Variants in ZNF385D observed in about 807,000 individuals in gnomAD.
ZNF385D encodes the protein zinc finger protein 385D.
ZNF385D carries 15 observed loss-of-function variants against 35.8 expected under a neutral mutation model. The ratio of observed to expected loss-of-function variants is 0.42; its 90% CI spans 0.28 to 0.64. The LOEUF (loss-of-function observed/expected upper bound fraction) is 0.64, where lower values mean the gene tolerates loss of function less well. Ranked by LOEUF, ZNF385D falls within the 30% of genes least tolerant of loss-of-function variation. The probability of loss-of-function intolerance (pLI) is 0.23; values close to 1 mark genes in which losing one functional copy is unlikely to be tolerated. For synonymous variants in ZNF385D, 212 were observed against 186.8 expected, an observed-to-expected ratio of 1.13 and a Z score of -1.10; for missense variants, 474 against 494.6, an observed-to-expected ratio of 0.96 and a Z score of 0.39.
chr3:22,107,436 G>T (rs1400916030), intron 3 of ZNF385D, among the ~76,000 whole-genome samples: 1 of 151,914 alleles, frequency 6.6e-6, no homozygotes, highest in Non-Finnish European at 1.5e-5. Context: ...GGGGAAAAAA[G>T]CAAAGTTTAT....
At chr3:22,368,773 C>A (rs531115399) in intron 2 of ZNF385D, among the ~76,000 whole-genome samples, 1 of 152,182 alleles carries the variant, frequency 6.6e-6, no homozygotes, top group Non-Finnish European at 1.5e-5. Context: ...ACCTCAAATA[C>A]TATCCCATTA....
chr3:21,726,214 C>A (rs2068759416), intron 1 of ZNF385D, among the ~76,000 whole-genome samples: 1 of 152,090 alleles, frequency 6.6e-6, no homozygotes, highest in South Asian at 2.1e-4. Flanking sequence ...AACCCACAGC[C>A]AATATCATAC....
At chr3:22,309,663 C>A (rs9809134) in intron 2 of ZNF385D, among the ~76,000 whole-genome samples, 2 of 151,834 alleles carry the variant, frequency 1.3e-5, no homozygotes, top group Non-Finnish European at 2.9e-5. Flanking sequence ...TGGTGACAGT[C>A]GACAATTAAG....
At chr3:22,271,216 G>A (rs1205839992) in intron 2 of ZNF385D, among the ~76,000 whole-genome samples, 2 of 112,742 alleles carry the variant, frequency 1.8e-5, no homozygotes, top group African/African-American at 3.3e-5. Context: ...ATTATAGTCA[G>A]GAGACAGCAA....
intron 5 of ZNF385D, 40 bp from the exon 6 acceptor site, chr3:21,425,710 G>A (rs965407717): frequency 1.4e-6 from 2 of 1,469,350 alleles, no homozygotes; most frequent in South Asian, 1.4e-5. Context: ...AAGGAGGGAG[G>A]AAAGAAGGGA....
intron 3 of ZNF385D, among the ~76,000 whole-genome samples, chr3:21,910,773 A>C (rs541528292): frequency 1.3e-5 from 2 of 151,834 alleles, no homozygotes; most frequent in Non-Finnish European, 2.9e-5. Context: ...AATACAAAGA[A>C]TACTAGATAA....
At chr3:21,944,238 G>C (rs1701668614) in intron 3 of ZNF385D, among the ~76,000 whole-genome samples, 2 of 152,148 alleles carry the variant, frequency 1.3e-5, no homozygotes, top group Non-Finnish European at 2.9e-5. Context: ...TAAGTCTCCT[G>C]TGGCAAGAAA....
rs143688060 is a variant in ZNF385D, at chr3:21,659,533, T to G, written c.165+5353A>C. ...CTGCTGTAACCAGAGTCCTGAGCAA[T>G]GTCATACAAGGAAGGCTCGTAGCAT... is the stretch of plus-strand genomic sequence containing the variant. On this transcript the variant is annotated intron_variant, in intron 2 of 7. Transcript: ENST00000281523. 8.5e-5 allele frequency among the ~76,000 whole-genome samples: 13 copies of G among 152,174 alleles called. No homozygotes were observed. In the East Asian group the frequency reaches 2.5e-3, roughly 29 times the overall value.
chr3:21,484,861 T>C (rs965472631), intron 4 of ZNF385D, among the ~76,000 whole-genome samples: 1 of 152,098 alleles, frequency 6.6e-6, no homozygotes, highest in Admixed American at 6.6e-5. Flanking sequence ...TCTGAACCCA[T>C]TGGTACTTCT....
chr3:21,817,385 A>AGT (rs1435636378), intron 3 of ZNF385D, among the ~76,000 whole-genome samples: 1 of 152,244 alleles, frequency 6.6e-6, no homozygotes, highest in Non-Finnish European at 1.5e-5. Flanking sequence ...CTACCATCAG[A>AGT]GTGAACAGGC....
At chr3:21,670,680 T>C in intron 1 of ZNF385D, among the ~76,000 whole-genome samples, 1 of 52,410 alleles carries the variant, frequency 1.9e-5, no homozygotes, top group African/African-American at 8.1e-5. Context: ...CCCCAATGAC[T>C]GAACGAATCC....
At chr3:21,424,317 A>ATATATATATAT (rs1221923155) in intron 6 of ZNF385D, among the ~76,000 whole-genome samples, 17 of 63,802 alleles carry the variant, frequency 2.7e-4, no homozygotes, top group African/African-American at 9.8e-4. Context: ...ATATATATAT[A>ATATATATATAT]TTTTTTTTTT....
intron 2 of ZNF385D, among the ~76,000 whole-genome samples, chr3:22,184,788 G>T (rs763353790): frequency 1.3e-5 from 2 of 152,082 alleles, no homozygotes; most frequent in South Asian, 4.1e-4. Flanking sequence ...GGTGACAAGA[G>T]TGAAACTACG....
intron 3 of ZNF385D, among the ~76,000 whole-genome samples, chr3:21,532,737 T>C (rs2061953693): frequency 6.6e-6 from 1 of 152,190 alleles, no homozygotes; most frequent in Non-Finnish European, 1.5e-5. Context: ...TTCATGTTTT[T>C]GTTTATCTCT....
intron 3 of ZNF385D, among the ~76,000 whole-genome samples, chr3:22,143,059 T>TTGTGCG (rs1704617581): frequency 7.1e-6 from 1 of 140,916 alleles, no homozygotes; most frequent in East Asian, 2.1e-4. Context: ...ATTAAATCGG[T>TTGTGCG]TGTGTGTGTG....
At chr3:21,545,306 A>T (rs1243228973) in intron 3 of ZNF385D, among the ~76,000 whole-genome samples, 1 of 152,222 alleles carries the variant, frequency 6.6e-6, no homozygotes, top group African/African-American at 2.4e-5. Flanking sequence ...ATAAAGGAAA[A>T]TGTACAAGAC....
chr3:22,003,029 C>T (rs147233921), intron 3 of ZNF385D, among the ~76,000 whole-genome samples: 2 of 152,264 alleles, frequency 1.3e-5, no homozygotes, highest in Non-Finnish European at 2.9e-5. Context: ...AAAGGATGCC[C>T]ACTCTTACCA....
chr3:21,606,134 A>G (rs1320341234), intron 2 of ZNF385D, among the ~76,000 whole-genome samples: 3 of 152,136 alleles, frequency 2.0e-5, no homozygotes, highest in Admixed American at 6.5e-5. Flanking sequence ...CAGAGAACAT[A>G]TTCTCCAAAC....
At chr3:21,836,193 C>A (rs909384350) in intron 3 of ZNF385D, among the ~76,000 whole-genome samples, 1 of 151,922 alleles carries the variant, frequency 6.6e-6, no homozygotes, top group East Asian at 1.9e-4. Flanking sequence ...TCAAAAACTG[C>A]TTTGGTCTAT....
Sources: allele counts gnomAD v4.1 joint callset (sites outside exome capture counted in the v4.1 genomes callset), GRCh38; gene constraint gnomAD v4.1.1; transcripts MANE v1.5; gene names NCBI Gene and HGNC (gene_info 2026-07-23, HGNC 2026-07-21).